Variants in CDON observed in about 807,000 individuals in gnomAD.
The protein encoded by CDON is cell adhesion associated, oncogene regulated.
In CDON, 73 loss-of-function variants were observed where a neutral mutation model predicts 120.9. The ratio of observed to expected loss-of-function variants is 0.60; its 90% confidence interval spans 0.50 to 0.73. The LOEUF is 0.73. CDON is among the 30% of genes least tolerant of loss of function. CDON has a pLI of 0.00. For synonymous variants in CDON, 566 were observed against 573.5 expected (o/e 0.99, Z 0.19); for missense variants, 1,470 against 1,587.3 (o/e 0.93, Z 1.26).
At position 126,017,272 on chromosome 11, in the gene CDON, GA is replaced by G; in HGVS notation, c.743del (p.Val248AlafsTer9). 1 of 1,614,064 alleles carries G rather than the reference GA, an allele frequency of 6.2e-7. No individual in the cohort carries two copies. The highest frequency in any genetic ancestry group is 8.5e-7 in the Non-Finnish European group (1 of 1,180,004). ...TTAGCCAATACACTTGAGGAGCCGG[GA>G]CCCCACTCACCACACACTCCAAGGT... is the stretch of plus-strand genomic sequence containing the variant. ...PVTLECVVSG[V>X]PAPQVYWLKD... On this transcript the variant is annotated frameshift_variant, in exon 6 of 20. Coordinates refer to ENST00000531738, the MANE Select transcript of CDON (RefSeq NM_001378964.1). LOFTEE classifies it high-confidence loss of function.
intron 1 of CDON, among the ~76,000 whole-genome samples, chr11:126,055,259 G>C (rs10466542): frequency 0.41 from 62,221 of 151,884 alleles, 12,995 homozygotes; most frequent in Non-Finnish European, 0.44. Flanking sequence ...CAAAGTTTGA[G>C]GAGGAGGATG....
At position 126,015,284 on chromosome 11, in the gene CDON, C is replaced by G; in HGVS notation, c.1155G>C (p.Gly385=). 2 of 1,614,110 alleles carry G rather than the reference C, an allele frequency of 1.2e-6. No homozygotes were observed. Among genetic ancestry groups the G allele is most frequent in the Non-Finnish European group, 1.7e-6 (2 of 1,179,976 alleles). The change falls in exon 7 of 20, where the codon GGG becomes GGC. Residue 385 remains glycine, a synonymous_variant. Coordinates refer to ENST00000531738, the MANE Select transcript of CDON (RefSeq NM_001378964.1). ...TTCCAGTAGAGTGCATAAATCCAAT[C>G]CCATTATCTGCTACACACTGATACA... The part of the protein sequence containing the change: ...VGMYQCVADN[G]IGFMHSTGRL...
At position 126,034,129 on chromosome 11, in the gene CDON, TA is replaced by T. The variant is rs534374033; in HGVS notation, c.-61-10593del. Among the ~76,000 whole-genome samples, 521 of 144,102 alleles carry T rather than the reference TA, an allele frequency of 3.6e-3. No individual in the cohort carries two copies. Among genetic ancestry groups the T allele is most frequent in the Middle Eastern group, 0.014 (4 of 276 alleles). The allele number at this position is 144,102 out of a possible 152,430, so 94.5% of individuals were successfully genotyped here. A position where few individuals can be genotyped will look rare whatever the true frequency, so the allele number is the denominator to read the frequency against. On this transcript the variant is annotated intron_variant, in intron 1 of 19. Coordinates refer to ENST00000531738, the MANE Select transcript of CDON (RefSeq NM_001378964.1). The surrounding 1 kb of genome is among the most constrained non-coding windows in gnomAD (Gnocchi z 4.5). ...GATCGTGCAATCATTCAGATCAACTTAAAAAAAAAAAAGTTCACACCTACAG... is the reference window on the plus strand; with the variant it reads ...GATCGTGCAATCATTCAGATCAACTTAAAAAAAAAAAGTTCACACCTACAG...
At chr11:126,058,310 T>A (rs1016269885) in intron 1 of CDON, among the ~76,000 whole-genome samples, 1 of 152,214 alleles carries the variant, frequency 6.6e-6, no homozygotes, top group Non-Finnish European at 1.5e-5. Flanking sequence ...CTAGTTTTTT[T>A]ATTCTCTCTG....
At chr11:126,061,917 A>C (rs1390694052) in intron 1 of CDON, among the ~76,000 whole-genome samples, 1 of 152,200 alleles carries the variant, frequency 6.6e-6, no homozygotes. Flanking sequence ...AGGGAAGGGC[A>C]AGAGAGTCTA....
At chr11:126,050,227 A>AC (rs1565556172) in intron 1 of CDON, among the ~76,000 whole-genome samples, 1 of 141,630 alleles carries the variant, frequency 7.1e-6, no homozygotes, top group Non-Finnish European at 1.5e-5. Flanking sequence ...AAGCAAAAAA[A>AC]CAAAAAAAAA....
chr11:125,971,168 G>C (rs1203474032), intron 18 of CDON, among the ~76,000 whole-genome samples: 1 of 152,070 alleles, frequency 6.6e-6, no homozygotes, highest in Non-Finnish European at 1.5e-5. Flanking sequence ...CGGATCACGA[G>C]GTCAGGAGAC....
At chr11:126,038,567 G>A (rs113882906) in intron 1 of CDON, among the ~76,000 whole-genome samples, 10,645 of 151,874 alleles carry the variant, frequency 0.07, 520 homozygotes, top group Non-Finnish European at 0.11. Flanking sequence ...CAGGAGAATC[G>A]CTTGAACCCA....
intron 1 of CDON, among the ~76,000 whole-genome samples, chr11:126,031,679 G>A (rs1284382510): frequency 1.3e-5 from 2 of 152,160 alleles, no homozygotes; most frequent in Non-Finnish European, 2.9e-5. Flanking sequence ...CACCATTTCC[G>A]CGAGTTGTGA....
chr11:126,031,528 T>C (rs1364762080), intron 1 of CDON, among the ~76,000 whole-genome samples: 2 of 152,170 alleles, frequency 1.3e-5, no homozygotes, highest in Non-Finnish European at 2.9e-5. Flanking sequence ...GTGAATTGCT[T>C]GCTGTGTTTG....
rs1947437358 is a variant in CDON, at chr11:126,015,449, G to A, written c.990C>T (p.His330=). ...GGTTCCCATGAACGTCGCAGGTAAA[G>A]TGTACTGTGGCACCCAGAGACACTA... is the stretch of plus-strand genomic sequence containing the variant. ...DQIVSLGATV[H]FTCDVHGNPA... is the part of the protein sequence containing the mutation. Residue 330 remains histidine, a synonymous_variant, in exon 7 of 20, where the codon CAC becomes CAT. Transcript: ENST00000531738. The A allele has an allele frequency of 6.2e-7, 1 of 1,613,938 alleles. No individual in the cohort carries two copies. Among genetic ancestry groups the A allele is most frequent in the Non-Finnish European group, 8.5e-7 (1 of 1,179,956 alleles).
At chr11:125,990,154 G>T (rs901658753) in intron 14 of CDON, among the ~76,000 whole-genome samples, 2 of 152,010 alleles carry the variant, frequency 1.3e-5, no homozygotes, top group South Asian at 2.1e-4. Context: ...AAAGCAACAG[G>T]ACATTTGGGA....
intron 18 of CDON, 129 bp from the exon 19 acceptor site, chr11:125,962,127 A>T: frequency 1.3e-6 from 1 of 752,710 alleles, no homozygotes; most frequent in Non-Finnish European, 2.3e-6. Flanking sequence ...GCTTAAAAAC[A>T]ACTAAATGAT....
At chr11:126,001,958 C>T in intron 10 of CDON, 108 bp from the exon 11 acceptor site, 1 of 825,588 alleles carries the variant, frequency 1.2e-6, no homozygotes, top group South Asian at 1.4e-5. Flanking sequence ...AATTTATGAA[C>T]TTATCAGACA....
rs377328170 is a variant in CDON at position 125,971,414 on chromosome 11, T to TAAATAAATAAA, written c.3356+6889_3356+6890insTTTATTTATTT. 5.4e-3 allele frequency among the ~76,000 whole-genome samples: 664 copies of TAAATAAATAAA among 123,734 alleles called. 8 individuals are homozygous for TAAATAAATAAA. Among genetic ancestry groups the TAAATAAATAAA allele is most frequent in the East Asian group, 0.017 (81 of 4,834 alleles). The allele number at this position is 123,734 out of a possible 152,430, so 81.2% of individuals were successfully genotyped here. ...AATAAATAAATAAATAAATAAATAA[T>TAAATAAATAAA]AATAATTAATGTTCTCATATTCATC... On this transcript the variant is annotated intron_variant, in intron 18 of 19. Coordinates refer to ENST00000531738, the MANE Select transcript of CDON (RefSeq NM_001378964.1).
intron 1 of CDON, among the ~76,000 whole-genome samples, chr11:126,039,663 G>A (rs1948202424): frequency 1.3e-5 from 2 of 152,092 alleles, no homozygotes; most frequent in South Asian, 2.1e-4. Context: ...ATCTGTAAAC[G>A]CAGGTATTCC....
intron 5 of CDON, 113 bp downstream of exon 5, chr11:126,018,217 T>G (rs1052779944): frequency 5.9e-6 from 7 of 1,188,638 alleles, no homozygotes; most frequent in Non-Finnish European, 8.7e-6. Context: ...ACTTTTTTGG[T>G]AAGACTTTTT....
At chr11:126,033,932 A>C (rs922252514) in intron 1 of CDON, among the ~76,000 whole-genome samples, 2 of 152,160 alleles carry the variant, frequency 1.3e-5, no homozygotes, top group African/African-American at 4.8e-5. Context: ...GACCTGCCGC[A>C]TCACTCCCAG....
At chr11:125,998,181 G>A (rs915682522) in intron 11 of CDON, among the ~76,000 whole-genome samples, 2 of 152,128 alleles carry the variant, frequency 1.3e-5, no homozygotes, top group Admixed American at 1.3e-4. Context: ...AAAACATGAG[G>A]AGTAAGCTCA....
Sources: allele counts gnomAD v4.1 joint callset (sites outside exome capture counted in the v4.1 genomes callset), GRCh38; gene constraint gnomAD v4.1.1; non-coding constraint Gnocchi (gnomAD v3.1); transcripts MANE v1.5; gene names NCBI Gene and HGNC (gene_info 2026-07-23, HGNC 2026-07-21).